GSDMD: variants seen among roughly 807,000 people sequenced by gnomAD.
GSDMD encodes gasdermin D.
In GSDMD, 46 loss-of-function variants were observed where a neutral mutation model predicts 46.7. That is an observed-to-expected ratio of 0.99 (90% CI 0.78 to 1.26). The LOEUF is 1.26. GSDMD is among the 50% of genes most tolerant of loss of function. The pLI is 0.00. For missense variants in GSDMD, 649 were observed against 638.8 expected, an observed-to-expected ratio of 1.02 and a Z score of -0.17; for synonymous variants, 307 against 283.1, an observed-to-expected ratio of 1.08 and a Z score of -0.85.
chr8:143,556,108 G>A (rs1468156711), upstream of GSDMD: 2 of 152,354 alleles, frequency 1.3e-5, no homozygotes, highest in Middle Eastern at 3.4e-3. Context: ...ATACTCGGGA[G>A]GGTGAGACAG....
chr8:143,562,718 G>GC lies in GSDMD; in HGVS notation c.1275dup (p.Gly426ArgfsTer?), dbSNP rs756217514. On this transcript the variant is annotated frameshift_variant, in exon 11 of 11. Coordinates refer to ENST00000262580, the MANE Select transcript of GSDMD (RefSeq NM_024736.7). LOFTEE classifies it low-confidence loss of function (END_TRUNC). ...GGCAGGAGCGCAGCACCATGTCCCTGCCCCCCGGGCTCCTGGGGAACAGCT... is the reference window on the plus strand; with the variant it reads ...GGCAGGAGCGCAGCACCATGTCCCTGCCCCCCCGGGCTCCTGGGGAACAGCT... The GC allele has an allele frequency of 5.6e-6, 9 of 1,593,756 alleles. No individual in the cohort carries two copies. In the Middle Eastern group the frequency reaches 5.0e-4, roughly 88 times the overall value.
Position 143,560,745 on chromosome 8 carries a change from T to C in GSDMD, c.553T>C (p.Ser185Pro), listed in dbSNP as rs1347202220. Residue 185 changes from serine to proline, a missense_variant, in exon 4 of 11, where the codon TCC becomes CCC. Transcript: ENST00000262580. Reference sequence around the variant, plus strand: ...CAAGCGGGAGGGCTCGGGCCGGTTTTCCCTGCCCGGAGCCACGTGCTTGCA... The same window carrying C: ...CAAGCGGGAGGGCTCGGGCCGGTTTCCCCTGCCCGGAGCCACGTGCTTGCA... ...THKREGSGRF[S>P]LPGATCLQGE... The C allele has an allele frequency of 1.3e-6, 2 of 1,558,290 alleles. No homozygotes were observed. Among genetic ancestry groups the C allele is most frequent in the Admixed American group, 1.9e-5 (1 of 51,996 alleles).
At chr8:143,560,827 G>A (rs1249928452) in intron 4 of GSDMD, 56 bp downstream of exon 4, 1 of 1,462,774 alleles carries the variant, frequency 6.8e-7, no homozygotes. Flanking sequence ...GCGGCGGCGG[G>A]TGACGGAGGC....
chr8:143,562,766 G>A lies in GSDMD; in HGVS notation c.1317G>A (p.Trp439Ter). 6.3e-7 allele frequency: 1 copy of A among 1,589,686 alleles called. No homozygotes were observed. Among genetic ancestry groups the A allele is most frequent in the Non-Finnish European group, 8.6e-7 (1 of 1,168,414 alleles). The change falls in exon 11 of 11, where the codon TGG becomes TGA. Residue 439 changes from tryptophan (W) to a stop codon, truncating the protein, a stop_gained. Transcript: ENST00000262580. LOFTEE classifies it low-confidence loss of function (END_TRUNC). ...GCTGGGGCGAAGGAGCACCGGCCTG[G>A]GTCTTGCTGGACGAGTGTGGCCTAG... Reference protein sequence around the residue: ...GNSWGEGAPAWVLLDECGLEL... With the variant: ...GNSWGEGAPA
intron 4 of GSDMD, 80 bp from the exon 5 acceptor site, chr8:143,560,922 C>T: frequency 6.8e-7 from 1 of 1,480,720 alleles, no homozygotes. Flanking sequence ...GGCGGCGGGC[C>T]TGCCCCCGGC....
intron 4 of GSDMD, 81 bp from the exon 5 acceptor site, chr8:143,560,921 C>A: frequency 1.4e-6 from 2 of 1,458,468 alleles, no homozygotes; most frequent in Non-Finnish European, 1.9e-6. Context: ...TGGCGGCGGG[C>A]CTGCCCCCGG....
Position 143,562,347 on chromosome 8 carries a change from A to C in GSDMD, c.1135A>C (p.Thr379Pro). The change falls in exon 9 of 11, where the codon ACC becomes CCC. Residue 379 changes from threonine to proline, a missense_variant. By Grantham distance (38) the Thr-to-Pro change is conservative (BLOSUM62 -1). Coordinates refer to ENST00000262580, the MANE Select transcript of GSDMD (RefSeq NM_024736.7). ...TGTTGTCTACCTGCTGGGGGCACTG[A>C]CCAGTGAGCGGCCGCTGGGGGCAGG... Reference protein sequence around the residue: ...IPVVYLLGALTMLSETQHKLL... With the variant: ...IPVVYLLGALPMLSETQHKLL... 1 of 1,223,542 alleles carries C rather than the reference A, an allele frequency of 8.2e-7. No individual in the cohort carries two copies. 75.8% of individuals were successfully genotyped at this position (1,223,542 alleles called of 1,614,324 possible). A position where few individuals can be genotyped will look rare whatever the true frequency, so the allele number is the denominator to read the frequency against.
chr8:143,558,622 A>G lies in GSDMD; in HGVS notation c.-5+171A>G, dbSNP rs1047940330. On this transcript the variant is annotated intron_variant, in intron 1 of 10. Transcript: ENST00000262580. Reference sequence around the variant, plus strand: ...GCTTCGGGAAAGGCTGCCCCTGGCCAGCCCAGGGGCCCGGCCTTTGGACCT... The same window carrying G: ...GCTTCGGGAAAGGCTGCCCCTGGCCGGCCCAGGGGCCCGGCCTTTGGACCT... 3 of 656,310 alleles carry G rather than the reference A, an allele frequency of 4.6e-6. No individual in the cohort carries two copies. In the Admixed American group the frequency reaches 1.1e-4, roughly 24 times the overall value. The allele number at this position is 656,310 out of a possible 1,614,324, so 40.7% of individuals were successfully genotyped here. A position where few individuals can be genotyped will look rare whatever the true frequency, so the allele number is the denominator to read the frequency against.
chr8:143,555,943 G>C (rs1280698935), upstream of GSDMD: 1 of 152,264 alleles, frequency 6.6e-6, no homozygotes, highest in Non-Finnish European at 1.5e-5. Context: ...GCCAGGTGCG[G>C]TGACTCACGC....
chr8:143,558,208 C>T (rs1194811117), upstream of GSDMD: 6 of 993,540 alleles, frequency 6.0e-6, no homozygotes, highest in Non-Finnish European at 8.4e-6. Flanking sequence ...CAGGATGGGG[C>T]GCCAAGCCAA....
upstream of GSDMD, among the ~76,000 whole-genome samples, chr8:143,556,939 C>G (rs1028040564): frequency 9.9e-5 from 15 of 152,250 alleles, no homozygotes; most frequent in African/African-American, 3.4e-4. Context: ...CAAACATCAC[C>G]AACGGCCAAT....
chr8:143,557,457 CTA>C (rs1491428892), upstream of GSDMD, among the ~76,000 whole-genome samples: 13 of 150,710 alleles, frequency 8.6e-5, no homozygotes, highest in African/African-American at 3.0e-4. Context: ...GATGCTGCCG[CTA>C]TGATGAAGGA....
At position 143,559,473 on chromosome 8, in the gene GSDMD, C is replaced by T. The variant is rs1823396184; in HGVS notation, c.138C>T (p.Ser46=). ...GCCTGGTGGTTAGGAAGCCCTCAAG[C>T]TCATGGTTCTGGAAACCCCGTTATA... The part of the protein sequence containing the change: ...PYCLVVRKPS[S]SWFWKPRYKC... Residue 46 remains serine (S), a synonymous_variant, in exon 2 of 11, where the codon AGC becomes AGT. Transcript: ENST00000262580. 6.2e-7 allele frequency: 1 copy of T among 1,612,944 alleles called. No individual in the cohort carries two copies. The highest frequency in any genetic ancestry group is 1.1e-5 in the South Asian group (1 of 91,084).
upstream of GSDMD, among the ~76,000 whole-genome samples, chr8:143,554,534 C>T (rs1823265899): frequency 6.6e-6 from 1 of 150,580 alleles, no homozygotes; most frequent in Non-Finnish European, 1.5e-5. Context: ...CGTGCACAAA[C>T]GCACACAACA....
rs1460509916 is a variant in GSDMD, at chr8:143,559,332, G to A, written c.-4G>A. The A allele has an allele frequency of 2.0e-6, 3 of 1,537,296 alleles. No individual in the cohort carries two copies. The highest frequency in any genetic ancestry group is 2.6e-6 in the Non-Finnish European group (3 of 1,132,782). On this transcript the variant is annotated splice_region_variant and 5_prime_UTR_variant, in exon 2 of 11. Transcript: ENST00000262580. ...TGCCTGACCCATTTCCCCTCCTCAGGAGCATGGGGTCGGCCTTTGAGCGGG... is the reference window on the plus strand; with the variant it reads ...TGCCTGACCCATTTCCCCTCCTCAGAAGCATGGGGTCGGCCTTTGAGCGGG...
chr8:143,560,334 G>T (rs1823421619), intron 3 of GSDMD: 1 of 683,550 alleles, frequency 1.5e-6, no homozygotes, highest in Non-Finnish European at 2.7e-6. Context: ...TGAGCCCCAG[G>T]CTGCTGTGAG....
At chr8:143,557,377 G>GATGAAGGATGAT (rs1563902759), upstream of GSDMD, among the ~76,000 whole-genome samples, 74 of 117,718 alleles carry the variant, frequency 6.3e-4, 3 homozygotes, top group East Asian at 1.5e-3. Flanking sequence ...CTGCCGCTAT[G>GATGAAGGATGAT]GCGAAGGATG....
chr8:143,555,565 C>T (rs754643622), upstream of GSDMD, among the ~76,000 whole-genome samples: 15 of 152,288 alleles, frequency 9.8e-5, no homozygotes, highest in South Asian at 2.1e-4. Flanking sequence ...GCTGTGTGCC[C>T]GGCTCCTTCC....
upstream of GSDMD, among the ~76,000 whole-genome samples, chr8:143,557,301 A>G (rs1437581771): frequency 6.8e-6 from 1 of 148,036 alleles, no homozygotes; most frequent in Non-Finnish European, 1.5e-5. Flanking sequence ...ATGGCGAAGG[A>G]TGCTGCCGCT....
Sources: allele counts gnomAD v4.1 joint callset (sites outside exome capture counted in the v4.1 genomes callset), GRCh38; gene constraint gnomAD v4.1.1; transcripts MANE v1.5; gene names NCBI Gene and HGNC (gene_info 2026-07-23, HGNC 2026-07-21).